EML6: variants seen among roughly 807,000 people sequenced by gnomAD.
EML6 encodes EMAP like 6.
A neutral mutation model predicts 240.1 loss-of-function variants in EML6; 154 were observed. That is an observed-to-expected ratio of 0.64 (90% confidence interval 0.56 to 0.73). EML6 has a LOEUF of 0.73. Among genes scored for constraint, EML6 ranks in the 30% least tolerant of loss-of-function variants. The probability of loss-of-function intolerance (pLI) is 0.00; values close to 1 mark genes in which losing one functional copy is unlikely to be tolerated. For missense variants in EML6, 2,964 were observed against 2,474.6 expected (o/e 1.20, Z -4.20); for synonymous variants, 1,148 against 899.0 (o/e 1.28, Z -4.95).
At chr2:54,742,013 C>T (rs1395780531) in intron 2 of EML6, among the ~76,000 whole-genome samples, 1 of 152,196 alleles carries the variant, frequency 6.6e-6, no homozygotes, top group African/African-American at 2.4e-5. Context: ...GTGGAGAAAC[C>T]TGGCAACCCA....
chr2:54,723,572 G>C (rs1256619328), upstream of EML6: 1 of 152,336 alleles, frequency 6.6e-6, no homozygotes, highest in Non-Finnish European at 1.5e-5. Context: ...ATCTCGCCTA[G>C]TAACCGGCAG....
intron 26 of EML6, among the ~76,000 whole-genome samples, chr2:54,922,587 A>G (rs1674316593): frequency 2.0e-5 from 3 of 152,266 alleles, no homozygotes. Context: ...AGATATCTAC[A>G]CCACCATGTT....
chr2:54,786,022 T>C (rs1446633871), intron 2 of EML6, among the ~76,000 whole-genome samples: 10 of 151,870 alleles, frequency 6.6e-5, no homozygotes, highest in Non-Finnish European at 1.2e-4. Flanking sequence ...ACCCAGGGTG[T>C]TGGGGTAAAG....
Position 54,954,132 on chromosome 2 carries a change from A to C in EML6, c.4462A>C (p.Ile1488Leu). 1 of 1,551,054 alleles carries C rather than the reference A, an allele frequency of 6.4e-7. No individual in the cohort carries two copies. Among genetic ancestry groups the C allele is most frequent in the Non-Finnish European group, 8.7e-7 (1 of 1,146,738 alleles). ...GGTGGGAGTGGACCCTGAGCACACC[A>C]TCACTGTCTGGCGATGGCAGGAAGG... ...VSVGVDPEHTITVWRWQEGAK... is the reference protein window; with the variant it reads ...VSVGVDPEHTLTVWRWQEGAK... The change falls in exon 32 of 42, where the codon ATC becomes CTC. Residue 1488 changes from isoleucine to leucine, a missense_variant. Ile to Leu is a conservative substitution (Grantham distance 5, BLOSUM62 2). Transcript: ENST00000356458.
At position 54,725,013 on chromosome 2, in the gene EML6, G is replaced by C. The variant is rs1682839423; in HGVS notation, c.-49G>C. 13 of 1,423,880 alleles carry C rather than the reference G, an allele frequency of 9.1e-6. No individual in the cohort carries two copies. Among genetic ancestry groups the C allele is most frequent in the Non-Finnish European group, 1.2e-5 (13 of 1,089,050 alleles). 88.2% of individuals were successfully genotyped at this position (1,423,880 alleles called of 1,614,324 possible). A position where few individuals can be genotyped will look rare whatever the true frequency, so the allele number is the denominator to read the frequency against. On this transcript the variant is annotated 5_prime_UTR_variant, in exon 2 of 42. Coordinates refer to ENST00000356458, the MANE Select transcript of EML6 (RefSeq NM_001039753.4). This position sits in a 1 kb window ranked among gnomAD's most constrained non-coding sequence, Gnocchi z 4.3. ...CCGCCGCAGCCCCAGCCTCGGCGAGGACGGCCCCGGCGCGCGGGGGGGCGG... is the reference window on the plus strand; with the variant it reads ...CCGCCGCAGCCCCAGCCTCGGCGAGCACGGCCCCGGCGCGCGGGGGGGCGG...
chr2:54,844,840 C>T (rs556389436), intron 8 of EML6, among the ~76,000 whole-genome samples: 1 of 152,216 alleles, frequency 6.6e-6, no homozygotes, highest in East Asian at 1.9e-4. Context: ...GTAAAATGAG[C>T]ACAATGACTT....
chr2:54,918,497 C>A (rs571804564), intron 26 of EML6, among the ~76,000 whole-genome samples: 1 of 152,248 alleles, frequency 6.6e-6, no homozygotes, highest in African/African-American at 2.4e-5. Flanking sequence ...TATGTGCATA[C>A]CACCATGCCC....
intron 28 of EML6, among the ~76,000 whole-genome samples, chr2:54,933,804 C>A (rs1573173541): frequency 1.3e-5 from 2 of 152,090 alleles, no homozygotes; most frequent in East Asian, 3.9e-4. Context: ...GTTATGCCAC[C>A]TTCCCAAAAA....
chr2:54,959,326 G>C, intron 34 of EML6, 65 bp downstream of exon 34: 1 of 1,433,796 alleles, frequency 7.0e-7, no homozygotes, highest in Non-Finnish European at 9.3e-7. Context: ...ACTGACAAAA[G>C]TGTTCCCAAC....
At chr2:54,839,424 C>G (rs1331819155) in intron 7 of EML6, among the ~76,000 whole-genome samples, 2 of 152,156 alleles carry the variant, frequency 1.3e-5, no homozygotes, top group Non-Finnish European at 2.9e-5. Flanking sequence ...ATTGACTTGT[C>G]TGATGTGACA....
chr2:54,791,559 C>T (rs984072824), intron 2 of EML6, among the ~76,000 whole-genome samples: 1 of 152,156 alleles, frequency 6.6e-6, no homozygotes, highest in East Asian at 1.9e-4. Flanking sequence ...TCAGTGGATT[C>T]TATAATTAGA....
chr2:54,738,750 AT>A (rs1683507264), intron 2 of EML6, among the ~76,000 whole-genome samples: 1 of 152,022 alleles, frequency 6.6e-6, no homozygotes, highest in Non-Finnish European at 1.5e-5. Flanking sequence ...TCAGTTCTGT[AT>A]TTTTTGTTGT....
At chr2:54,826,168 T>C (rs1333615943) in intron 5 of EML6, among the ~76,000 whole-genome samples, 1 of 152,178 alleles carries the variant, frequency 6.6e-6, no homozygotes, top group African/African-American at 2.4e-5. Context: ...TTATCTTCAG[T>C]GAGCTACTTC....
At chr2:54,824,510 A>C (rs992038466) in intron 5 of EML6, among the ~76,000 whole-genome samples, 7 of 152,162 alleles carry the variant, frequency 4.6e-5, no homozygotes, top group Non-Finnish European at 8.8e-5. Flanking sequence ...GAATGATTCC[A>C]GTCATAAATT....
At chr2:54,825,225 G>C (rs915636846) in intron 5 of EML6, among the ~76,000 whole-genome samples, 1 of 152,182 alleles carries the variant, frequency 6.6e-6, no homozygotes, top group African/African-American at 2.4e-5. Flanking sequence ...TAAAGAGAAA[G>C]GGAACTGTCT....
At chr2:54,887,410 T>C (rs1440395609) in intron 17 of EML6, among the ~76,000 whole-genome samples, 1 of 152,244 alleles carries the variant, frequency 6.6e-6, no homozygotes, top group African/African-American at 2.4e-5. Flanking sequence ...ATTCTTTAAA[T>C]GTTAGGGTTA....
intron 2 of EML6, among the ~76,000 whole-genome samples, chr2:54,768,297 G>T (rs1668272770): frequency 6.6e-6 from 1 of 152,096 alleles, no homozygotes; most frequent in Non-Finnish European, 1.5e-5. Flanking sequence ...AACTGTCAGA[G>T]AATCAAACTG....
At chr2:54,951,822 G>T (rs968991967) in intron 30 of EML6, among the ~76,000 whole-genome samples, 1 of 152,156 alleles carries the variant, frequency 6.6e-6, no homozygotes. Flanking sequence ...TGTATCTGAG[G>T]GGGAGGAGGA....
intron 2 of EML6, among the ~76,000 whole-genome samples, chr2:54,806,895 T>G (rs1365434438): frequency 6.6e-6 from 1 of 152,120 alleles, no homozygotes; most frequent in East Asian, 1.9e-4. Context: ...TATGAGAAAC[T>G]GTTCTTTGCC....
Sources: gnomAD v4.1 joint callset for allele counts (sites outside exome capture counted in the v4.1 genomes callset) on GRCh38, gnomAD v4.1.1 for gene constraint, Gnocchi (gnomAD v3.1) non-coding constraint, MANE v1.5 for transcripts, NCBI Gene and HGNC (gene_info 2026-07-23, HGNC 2026-07-21) for gene names.